Variants in FREM1 observed in about 807,000 individuals in gnomAD.
The protein encoded by FREM1 is FRAS1 related extracellular matrix 1.
FREM1 carries 220 observed loss-of-function variants against 210.1 expected under a neutral mutation model. The ratio of observed to expected loss-of-function variants is 1.05; its 90% confidence interval spans 0.94 to 1.17. The LOEUF (loss-of-function observed/expected upper bound fraction) is 1.17, where lower values mean the gene tolerates loss of function less well. Among genes scored for constraint, FREM1 ranks in the 50% most tolerant of loss-of-function variants. The pLI, the probability that FREM1 is intolerant of heterozygous loss-of-function variation, is 0.00. For missense variants in FREM1, 3,454 were observed against 2,675.5 expected (o/e 1.29, Z -6.42); for synonymous variants, 1,189 against 980.2 (o/e 1.21, Z -3.98).
chr9:14,748,466 G>C lies in FREM1; in HGVS notation c.5731C>G (p.Leu1911Val), dbSNP rs1402616797. ...AGATCTGTAGAATCAAAGCCCCGCA[G>C]GGTGTCTCCCCTGATGACTGCTAGC... The part of the protein sequence containing the change: ...MQLAVIRGDT[L>V]RGFDSTDLSQ... The change falls in exon 31 of 37, where the codon CTG (leucine) becomes GTG (valine). Residue 1911 changes from leucine (L) to valine (V), a missense_variant. By Grantham distance (32) the Leu-to-Val change is conservative. Transcript: ENST00000380880. The C allele has an allele frequency of 1.2e-6, 2 of 1,613,716 alleles. No homozygotes were observed. Among genetic ancestry groups the C allele is most frequent in the South Asian group, 2.2e-5 (2 of 91,076 alleles).
chr9:14,753,066 T>C (rs1440244461), intron 29 of FREM1, among the ~76,000 whole-genome samples: 1 of 152,208 alleles, frequency 6.6e-6, no homozygotes, highest in African/African-American at 2.4e-5. Flanking sequence ...GTCAAAACTT[T>C]ATCATTTTTT....
Position 14,813,031 on chromosome 9 carries a change from T to G in FREM1, c.2674A>C (p.Lys892Gln). Residue 892 changes from lysine (K) to glutamine (Q), a missense_variant, in exon 16 of 37, where the codon AAG becomes CAG. Coordinates refer to ENST00000380880, the MANE Select transcript of FREM1 (RefSeq NM_001379081.2). ...TTCATGACAGGCATGAGGTCAGCCT[T>G]TAAGACTGGTGGCTCATCGTTGACA... ...FPVNDEPPVL[K>Q]ADLMPVMNCS... 1 of 1,612,600 alleles carries G rather than the reference T, an allele frequency of 6.2e-7. No homozygotes were observed.
At chr9:14,884,236 A>G (rs66838707) in intron 1 of FREM1, among the ~76,000 whole-genome samples, 60,027 of 151,732 alleles carry the variant, frequency 0.4, 12,134 homozygotes, top group East Asian at 0.65. Context: ...CTCAAAAAAG[A>G]AAAAAGAAAA....
chr9:14,804,361 G>A (rs1400693137), intron 19 of FREM1, among the ~76,000 whole-genome samples: 6 of 152,222 alleles, frequency 3.9e-5, no homozygotes, highest in South Asian at 4.2e-4. Flanking sequence ...CGAGGCGGGC[G>A]GATCACGAGG....
intron 16 of FREM1, among the ~76,000 whole-genome samples, chr9:14,810,666 C>A (rs1165137083): frequency 6.6e-6 from 1 of 152,094 alleles, no homozygotes; most frequent in South Asian, 2.1e-4. Context: ...ACTAAAACAT[C>A]TTTATAATAA....
In FREM1 at chr9:14,845,948, T is replaced by A. The variant is rs1257816126; in HGVS notation, c.1393+12A>T. ...TGGATTCTTTGCTAGGTTACCAAGT[T>A]GGATCATTCACCTCTTAAAGTCAGC... On this transcript the variant is annotated intron_variant, in intron 8 of 36. Coordinates refer to ENST00000380880, the MANE Select transcript of FREM1 (RefSeq NM_001379081.2). The A allele has an allele frequency of 6.2e-7, 1 of 1,613,196 alleles. No homozygotes were observed. The highest frequency in any genetic ancestry group is 8.5e-7 in the Non-Finnish European group (1 of 1,179,400).
intron 1 of FREM1, among the ~76,000 whole-genome samples, chr9:14,873,608 A>G (rs1475247172): frequency 6.6e-6 from 1 of 151,996 alleles, no homozygotes; most frequent in Non-Finnish European, 1.5e-5. Context: ...TGATCCTTTC[A>G]AAAAAACCAG....
At chr9:14,808,686 T>G (rs1442689617) in intron 16 of FREM1, among the ~76,000 whole-genome samples, 1 of 152,194 alleles carries the variant, frequency 6.6e-6, no homozygotes. Context: ...AGGATGTTTT[T>G]AAAAATAGCA....
chr9:14,877,705 A>G (rs1420197373), intron 1 of FREM1, among the ~76,000 whole-genome samples: 1 of 152,130 alleles, frequency 6.6e-6, no homozygotes, highest in Non-Finnish European at 1.5e-5. Flanking sequence ...AATCCTGCCA[A>G]CACCCTGAAT....
At chr9:14,900,077 T>C (rs1362780490) in intron 1 of FREM1, among the ~76,000 whole-genome samples, 7 of 152,222 alleles carry the variant, frequency 4.6e-5, no homozygotes, top group Admixed American at 3.3e-4. Context: ...GCTTCAGACC[T>C]ACTCCTCTGT....
intron 1 of FREM1, among the ~76,000 whole-genome samples, chr9:14,879,307 CTGAGGTTGA>C (rs1214542803): frequency 2.8e-5 from 3 of 105,270 alleles, no homozygotes; most frequent in African/African-American, 2.0e-4. Flanking sequence ...GCCCATAACA[CTGAGGTTGA>C]GGAGGTTGAG....
At chr9:14,838,728 T>C (rs528440433) in intron 10 of FREM1, among the ~76,000 whole-genome samples, 1 of 152,260 alleles carries the variant, frequency 6.6e-6, no homozygotes, top group Non-Finnish European at 1.5e-5. Context: ...GATACCTAGG[T>C]CTAGAAACAT....
At chr9:14,793,020 G>A in intron 21 of FREM1, 136 bp from the exon 22 acceptor site, 1 of 581,144 alleles carries the variant, frequency 1.7e-6, no homozygotes, top group Non-Finnish European at 2.9e-6. Context: ...CACTGAAGAT[G>A]ACTAGTGAGA....
chr9:14,898,520 T>C (rs545397105), intron 1 of FREM1, among the ~76,000 whole-genome samples: 4 of 152,254 alleles, frequency 2.6e-5, no homozygotes, highest in South Asian at 4.1e-4. Flanking sequence ...GGTGGGCAGA[T>C]CACTTGAGGT....
At chr9:14,907,634 T>C (rs1354296789) in intron 1 of FREM1, among the ~76,000 whole-genome samples, 5 of 152,238 alleles carry the variant, frequency 3.3e-5, no homozygotes, top group Admixed American at 3.3e-4. Context: ...AATGGCTACA[T>C]GCCCTGAAAA....
At chr9:14,841,734 G>A (rs1825729678) in intron 9 of FREM1, 145 bp from the exon 10 acceptor site, 2 of 537,976 alleles carry the variant, frequency 3.7e-6, no homozygotes, top group Admixed American at 6.6e-5. Flanking sequence ...TTTCATCAAA[G>A]ATAAATAATA....
At chr9:14,860,271 G>A (rs1829562878) in intron 3 of FREM1, among the ~76,000 whole-genome samples, 1 of 152,094 alleles carries the variant, frequency 6.6e-6, no homozygotes, top group Admixed American at 6.6e-5. Flanking sequence ...GCTTGCCAAA[G>A]GGGCTGGAGA....
At chr9:14,859,142 A>T in intron 4 of FREM1, 41 bp downstream of exon 4, 1 of 1,480,674 alleles carries the variant, frequency 6.8e-7, no homozygotes, top group African/African-American at 1.4e-5. Flanking sequence ...TATTTTTGTC[A>T]GTTTTGGTAA....
chr9:14,845,966 A>T lies in FREM1; in HGVS notation c.1387T>A (p.Leu463Ile). The T allele has an allele frequency of 6.2e-7, 1 of 1,613,550 alleles. No individual in the cohort carries two copies. The highest frequency in any genetic ancestry group is 8.5e-7 in the Non-Finnish European group (1 of 1,179,666). Residue 463 changes from leucine to isoleucine, a missense_variant, in exon 8 of 37, where the codon TTA becomes ATA. Leu to Ile is a conservative substitution (Grantham distance 5). Coordinates refer to ENST00000380880, the MANE Select transcript of FREM1 (RefSeq NM_001379081.2). ...ACCAAGTTGGATCATTCACCTCTTA[A>T]AGTCAGCCATCCATGCTGCAGGCCA... ...VGGLQHGWLT[L>I]RGGKGFLFTV...
Sources: gnomAD v4.1 joint callset for allele counts (sites outside exome capture counted in the v4.1 genomes callset) on GRCh38, gnomAD v4.1.1 for gene constraint, MANE v1.5 for transcripts, NCBI Gene and HGNC (gene_info 2026-07-23, HGNC 2026-07-21) for gene names.